Variants in DTD1 observed in about 807,000 individuals in gnomAD.
The protein encoded by DTD1 is D-tyrosyl-tRNA deacylase 1 homolog.
DTD1 carries 13 observed loss-of-function variants against 25.6 expected under a neutral mutation model. That is an observed-to-expected ratio of 0.51 (90% CI 0.33 to 0.81). DTD1 has a LOEUF of 0.81. Ranked by LOEUF, DTD1 falls within the 30% of genes least tolerant of loss-of-function variation. The probability of loss-of-function intolerance (pLI) is 0.02; values close to 1 mark genes in which losing one functional copy is unlikely to be tolerated. For missense variants in DTD1, 193 were observed against 266.4 expected, an observed-to-expected ratio of 0.72 and a Z score of 1.92; for synonymous variants, 110 against 103.6, an observed-to-expected ratio of 1.06 and a Z score of -0.37.
At chr20:18,635,362 G>C (rs1287007628) in intron 4 of DTD1, among the ~76,000 whole-genome samples, 1 of 152,224 alleles carries the variant, frequency 6.6e-6, no homozygotes, top group East Asian at 1.9e-4. Context: ...TGACTTCTGG[G>C]ACGTAGGCTG....
At chr20:18,708,983 C>G (rs1429521913) in intron 4 of DTD1, among the ~76,000 whole-genome samples, 1 of 152,170 alleles carries the variant, frequency 6.6e-6, no homozygotes, top group Non-Finnish European at 1.5e-5. Flanking sequence ...CCCACTTAAT[C>G]GATTGCCACT....
At chr20:18,748,507 TGGC>T (rs1208351799) in intron 5 of DTD1, among the ~76,000 whole-genome samples, 1 of 152,188 alleles carries the variant, frequency 6.6e-6, no homozygotes, top group African/African-American at 2.4e-5. Context: ...TAGTGTTCTG[TGGC>T]CCCTGGGTAG....
chr20:18,714,845 C>G (rs1036054973), intron 4 of DTD1, among the ~76,000 whole-genome samples: 2 of 152,190 alleles, frequency 1.3e-5, no homozygotes, highest in Non-Finnish European at 2.9e-5. Flanking sequence ...ATAGGTGATA[C>G]CTTCAGTACC....
At chr20:18,720,340 G>A (rs1465386003) in intron 4 of DTD1, among the ~76,000 whole-genome samples, 1 of 152,122 alleles carries the variant, frequency 6.6e-6, no homozygotes, top group East Asian at 1.9e-4. Context: ...TACTAACTAG[G>A]TAACCTCATT....
chr20:18,628,102 G>A, intron 3 of DTD1, 25 bp from the exon 4 acceptor site: 1 of 1,601,536 alleles, frequency 6.2e-7, no homozygotes, highest in Non-Finnish European at 8.6e-7. Flanking sequence ...TCCATCTTTG[G>A]TAACTGTTTG....
At chr20:18,600,360 C>T (rs1397504811) in intron 3 of DTD1, among the ~76,000 whole-genome samples, 1 of 152,006 alleles carries the variant, frequency 6.6e-6, no homozygotes, top group Non-Finnish European at 1.5e-5. Context: ...TTGAAAAGAC[C>T]CCTTGCTCCA....
chr20:18,588,801 A>G, intron 1 of DTD1: 13 of 985,364 alleles, frequency 1.3e-5, no homozygotes, highest in South Asian at 4.7e-5. Flanking sequence ...ACCCCTGGTC[A>G]TCACTCAGCA....
intron 5 of DTD1, among the ~76,000 whole-genome samples, chr20:18,758,699 C>T (rs1297782976): frequency 6.6e-6 from 1 of 152,112 alleles, no homozygotes; most frequent in Non-Finnish European, 1.5e-5. Flanking sequence ...ACTATGTGGT[C>T]AATTTTGGAA....
At chr20:18,735,049 C>T (rs6075408) in intron 4 of DTD1, among the ~76,000 whole-genome samples, 49,549 of 152,014 alleles carry the variant, frequency 0.33, 8,467 homozygotes, top group Non-Finnish European at 0.38. Flanking sequence ...AAAGTAATTG[C>T]AGAGGAGATA....
At chr20:18,627,778 G>A (rs1200311667) in intron 3 of DTD1, among the ~76,000 whole-genome samples, 1 of 152,168 alleles carries the variant, frequency 6.6e-6, no homozygotes, top group Non-Finnish European at 1.5e-5. Context: ...CCTGGTAGGA[G>A]GTAATTGAAT....
At chr20:18,703,110 C>CTTAAAATTTA (rs1302128223) in intron 4 of DTD1, among the ~76,000 whole-genome samples, 5 of 152,176 alleles carry the variant, frequency 3.3e-5, no homozygotes, top group Admixed American at 6.5e-5. Flanking sequence ...AATCTTCTGC[C>CTTAAAATTTA]TTTTAAAAAA....
chr20:18,751,509 G>A (rs538839583), intron 5 of DTD1, among the ~76,000 whole-genome samples: 1 of 147,898 alleles, frequency 6.8e-6, no homozygotes, highest in South Asian at 2.1e-4. Flanking sequence ...TTTTTTTTGA[G>A]GTGGAGTCTC....
chr20:18,621,156 A>G (rs1438335522), intron 3 of DTD1, among the ~76,000 whole-genome samples: 1 of 152,178 alleles, frequency 6.6e-6, no homozygotes, highest in Non-Finnish European at 1.5e-5. Flanking sequence ...CTCTCCCAGT[A>G]TGTGGTGATT....
intron 3 of DTD1, among the ~76,000 whole-genome samples, chr20:18,599,341 A>C (rs535521748): frequency 2.6e-5 from 4 of 151,818 alleles, no homozygotes; most frequent in Admixed American, 6.6e-5. Context: ...CACCTGGCTA[A>C]TTTTTGTATT....
chr20:18,609,476 C>T (rs2060678057), intron 3 of DTD1, among the ~76,000 whole-genome samples: 1 of 152,036 alleles, frequency 6.6e-6, no homozygotes, highest in Non-Finnish European at 1.5e-5. Context: ...TTAGTGTTTC[C>T]TATGCTCTAA....
chr20:18,760,804 TTTTG>T (rs767909894), intron 5 of DTD1, among the ~76,000 whole-genome samples: 5 of 152,196 alleles, frequency 3.3e-5, no homozygotes, highest in Non-Finnish European at 7.3e-5. Context: ...TTCTGCTGCC[TTTTG>T]TTTGTCTGTG....
chr20:18,717,452 A>T (rs1191882463), intron 4 of DTD1, among the ~76,000 whole-genome samples: 1 of 152,224 alleles, frequency 6.6e-6, no homozygotes, highest in East Asian at 1.9e-4. Context: ...ATTTATGTAT[A>T]TGTTATGGCA....
intron 4 of DTD1, among the ~76,000 whole-genome samples, chr20:18,702,123 C>T (rs985795278): frequency 1.3e-5 from 2 of 152,192 alleles, no homozygotes; most frequent in African/African-American, 2.4e-5. Context: ...TTTGTACATC[C>T]TTCAAAATGG....
chr20:18,662,271 T>C (rs1378524144), intron 4 of DTD1, among the ~76,000 whole-genome samples: 1 of 152,196 alleles, frequency 6.6e-6, no homozygotes, highest in East Asian at 1.9e-4. Context: ...ATACTAGCAA[T>C]TTTTGTTGGC....
Sources: gnomAD v4.1 joint callset for allele counts (sites outside exome capture counted in the v4.1 genomes callset) on GRCh38, gnomAD v4.1.1 for gene constraint, MANE v1.5 for transcripts, NCBI Gene and HGNC (gene_info 2026-07-23, HGNC 2026-07-21) for gene names.